The following NUP153 variants were observed in gnomAD, a reference collection of about 807,000 sequenced individuals.
The protein encoded by NUP153 is nucleoporin 153.
Under a neutral mutation model 134.6 loss-of-function variants are expected in NUP153, and 27 were observed. That is an observed-to-expected ratio of 0.20 (90% CI 0.15 to 0.28). NUP153 has a LOEUF of 0.28. Among genes scored for constraint, NUP153 ranks in the 10% least tolerant of loss-of-function variants. The pLI, the probability that NUP153 is intolerant of heterozygous loss-of-function variation, is 1.00. For synonymous variants in NUP153, 640 were observed against 623.5 expected (o/e 1.03, Z -0.40); for missense variants, 1,821 against 1,731.3 (o/e 1.05, Z -0.92).
chr6:17,648,700 G>A (rs1656227679), intron 12 of NUP153, among the ~76,000 whole-genome samples: 1 of 152,096 alleles, frequency 6.6e-6, no homozygotes, highest in South Asian at 2.1e-4. Context: ...CTACTCAGGA[G>A]GCTGAGGTGG....
intron 14 of NUP153, among the ~76,000 whole-genome samples, chr6:17,645,067 A>T (rs979231746): frequency 6.6e-6 from 1 of 151,918 alleles, no homozygotes. Context: ...CCTGGGGGAC[A>T]CAACAAGGCT....
Position 17,674,972 on chromosome 6 carries a change from C to A in NUP153, c.785G>T (p.Gly262Val). ...TGCTGCCCCACCGTATGTTGTTTTT[C>A]CAGGATAAAAAGGAGAATCTCCAAG... ...SQLGDSPFYP[G>V]KTTYGGAAAA... The change falls in exon 5 of 22, where the codon GGA (glycine) becomes GTA (valine). Residue 262 changes from glycine to valine, a missense_variant. Physicochemically the swap from Gly to Val is moderately radical, Grantham distance 109. Coordinates refer to ENST00000262077, the MANE Select transcript of NUP153 (RefSeq NM_005124.4). 2 of 1,613,404 alleles carry A rather than the reference C, an allele frequency of 1.2e-6. No individual in the cohort carries two copies. Among genetic ancestry groups the A allele is most frequent in the Non-Finnish European group, 1.7e-6 (2 of 1,179,696 alleles).
At chr6:17,700,350 A>G (rs1247115241) in intron 1 of NUP153, among the ~76,000 whole-genome samples, 1 of 152,192 alleles carries the variant, frequency 6.6e-6, no homozygotes, top group Non-Finnish European at 1.5e-5. Context: ...TTTTCACTTT[A>G]CAGATGAGTA....
chr6:17,651,747 G>A, intron 11 of NUP153: 1 of 424,526 alleles, frequency 2.4e-6, no homozygotes, highest in East Asian at 3.4e-5. Context: ...TCACTATGGA[G>A]CCATAGAATA....
chr6:17,701,832 C>CCG (rs772068516), intron 1 of NUP153, among the ~76,000 whole-genome samples: 1 of 44,420 alleles, frequency 2.3e-5, no homozygotes. Flanking sequence ...GACTCTGTCT[C>CCG]GGGGGGGGGG....
At position 17,675,853 on chromosome 6, in the gene NUP153, A is replaced by G. The variant is rs549386236; in HGVS notation, c.335-83T>C. ...AATGGTTTTTACTTTAAGAAAACAC[A>G]TTACAGTATATAATAGCTTCAATTC... On this transcript the variant is annotated intron_variant, in intron 2 of 21. Coordinates refer to ENST00000262077, the MANE Select transcript of NUP153 (RefSeq NM_005124.4). This position sits in a 1 kb window ranked among gnomAD's most constrained non-coding sequence, Gnocchi z 4.4. 2.8e-5 allele frequency: 36 copies of G among 1,275,436 alleles called. No homozygotes were observed. Among genetic ancestry groups the G allele is most frequent in the Non-Finnish European group, 4.0e-5 (35 of 878,592 alleles). 79.0% of individuals were successfully genotyped at this position (1,275,436 alleles called of 1,614,324 possible). A position where few individuals can be genotyped will look rare whatever the true frequency, so the allele number is the denominator to read the frequency against.
At position 17,632,819 on chromosome 6, in the gene NUP153, G is replaced by A. The variant is rs541576799; in HGVS notation, c.2490C>T (p.Ser830=). 7 of 1,374,298 alleles carry A rather than the reference G, an allele frequency of 5.1e-6. No homozygotes were observed. The South Asian group carries it at 7.1e-5, about 14-fold the overall frequency. The allele number at this position is 1,374,298 out of a possible 1,614,324, so 85.1% of individuals were successfully genotyped here. ...KPGSSVPASS[S]STVPVSLPSG... ...AAGGCAGAGAGACAGGTACAGTGCT[G>A]CTACTTGAAGCAGGTACTGAACTTC... Residue 830 remains serine (S), a synonymous_variant, in exon 17 of 22, where the codon AGC becomes AGT. Coordinates refer to ENST00000262077, the MANE Select transcript of NUP153 (RefSeq NM_005124.4).
intron 14 of NUP153, among the ~76,000 whole-genome samples, chr6:17,642,998 CAGTT>C (rs1438338645): frequency 9.2e-5 from 14 of 152,252 alleles, no homozygotes; most frequent in South Asian, 2.1e-4. Context: ...CACAAGTTGA[CAGTT>C]AGCTAGGGGG....
chr6:17,688,846 T>C (rs1769107838), intron 1 of NUP153, among the ~76,000 whole-genome samples: 1 of 152,138 alleles, frequency 6.6e-6, no homozygotes. Context: ...CCCAAATGGC[T>C]GCATTATTCT....
intron 16 of NUP153, among the ~76,000 whole-genome samples, chr6:17,634,097 G>C (rs1326036896): frequency 6.6e-6 from 1 of 151,842 alleles, no homozygotes; most frequent in African/African-American, 2.4e-5. Context: ...CTGCTATTCT[G>C]GTTCATGAAC....
chr6:17,646,859 C>A (rs1338871072), intron 13 of NUP153, among the ~76,000 whole-genome samples: 2 of 151,900 alleles, frequency 1.3e-5, no homozygotes, highest in Non-Finnish European at 2.9e-5. Flanking sequence ...CCTGTCTCAG[C>A]CTCCTGAGTA....
At chr6:17,657,829 C>T in intron 11 of NUP153, among the ~76,000 whole-genome samples, 1 of 152,202 alleles carries the variant, frequency 6.6e-6, no homozygotes, top group East Asian at 1.9e-4. Flanking sequence ...CAATTTGCCA[C>T]TTGATAATTG....
chr6:17,634,986 A>T (rs896237709), intron 16 of NUP153, among the ~76,000 whole-genome samples: 2 of 152,190 alleles, frequency 1.3e-5, no homozygotes, highest in Admixed American at 1.3e-4. Context: ...AAATAAAAAA[A>T]AAAAATAAAT....
At chr6:17,626,279 G>C (rs1764944943) in intron 18 of NUP153, 115 bp from the exon 19 acceptor site, 5 of 704,600 alleles carry the variant, frequency 7.1e-6, no homozygotes, top group Admixed American at 5.6e-5. Flanking sequence ...CTAGAAAATA[G>C]ATTTTTTATA....
At chr6:17,683,102 A>T (rs563271811) in intron 2 of NUP153, among the ~76,000 whole-genome samples, 2,240 of 152,028 alleles carry the variant, frequency 0.015, 52 homozygotes, top group African/African-American at 0.052. Flanking sequence ...GAAGTCCTGA[A>T]CCCCTCAAAG....
At chr6:17,661,303 G>C (rs1279931504) in intron 11 of NUP153, among the ~76,000 whole-genome samples, 1 of 152,134 alleles carries the variant, frequency 6.6e-6, no homozygotes, top group Non-Finnish European at 1.5e-5. Flanking sequence ...GACAGAGCAA[G>C]ACTGTATCTT....
In NUP153 at chr6:17,653,740, G is replaced by A. The variant is rs138123680; in HGVS notation, c.1396-4440C>T. Among the ~76,000 whole-genome samples, 325 of 152,228 alleles carry A rather than the reference G, an allele frequency of 2.1e-3. 1 individual carries two copies. Among genetic ancestry groups the A allele is most frequent in the Non-Finnish European group, 2.9e-3 (199 of 68,022 alleles). ...GATTGCCTCTGGGGTAGGAGGTGAC[G>A]GCAACTGACTGAGAAGGAGGACAAC... On this transcript the variant is annotated intron_variant, in intron 11 of 21. Coordinates refer to ENST00000262077, the MANE Select transcript of NUP153 (RefSeq NM_005124.4).
chr6:17,702,214 G>A (rs1770156785), intron 1 of NUP153, among the ~76,000 whole-genome samples: 1 of 152,154 alleles, frequency 6.6e-6, no homozygotes, highest in African/African-American at 2.4e-5. Context: ...CTAGAAAAAT[G>A]ACACCATTTC....
At chr6:17,687,947 T>C (rs1425180384) in intron 2 of NUP153, among the ~76,000 whole-genome samples, 4 of 151,754 alleles carry the variant, frequency 2.6e-5, no homozygotes, top group African/African-American at 4.8e-5. Flanking sequence ...ACCCCGTCTC[T>C]ATAAAAAATA....
Sources: gnomAD v4.1 joint callset for allele counts (sites outside exome capture counted in the v4.1 genomes callset) on GRCh38, gnomAD v4.1.1 for gene constraint, Gnocchi (gnomAD v3.1) non-coding constraint, MANE v1.5 for transcripts, NCBI Gene and HGNC (gene_info 2026-07-23, HGNC 2026-07-21) for gene names.